HYDIN: variants seen among roughly 807,000 people sequenced by gnomAD.
HYDIN encodes the protein HYDIN axonemal central pair apparatus protein.
Under a neutral mutation model 403.9 loss-of-function variants are expected in HYDIN, and 132 were observed. The observed-to-expected ratio is 0.33, with a 90% CI of 0.28 to 0.38. The LOEUF (loss-of-function observed/expected upper bound fraction) is 0.38, where lower values mean the gene tolerates loss of function less well. Among genes scored for constraint, HYDIN ranks in the 10% least tolerant of loss-of-function variants. The probability of loss-of-function intolerance (pLI) is 1.00; values close to 1 mark genes in which losing one functional copy is unlikely to be tolerated. For synonymous variants in HYDIN, 1,202 were observed against 1,891.7 expected (o/e 0.64, Z 9.46); for missense variants, 2,827 against 5,009.5 (o/e 0.56, Z 13.15).
At chr16:71,105,034 T>C (rs973904896) in intron 10 of HYDIN, among the ~76,000 whole-genome samples, 2 of 145,138 alleles carry the variant, frequency 1.4e-5, no homozygotes, top group Non-Finnish European at 3.0e-5. Flanking sequence ...AAGTCTCATA[T>C]AGCATTCTTA....
chr16:70,922,499 G>A (rs1170473585), intron 45 of HYDIN, among the ~76,000 whole-genome samples: 1 of 152,140 alleles, frequency 6.6e-6, no homozygotes, highest in East Asian at 1.9e-4. Flanking sequence ...ACCAGTCACC[G>A]ATGAGGCCAC....
In HYDIN at chr16:70,806,940, G is replaced by T. The variant is rs1251258667; in HGVS notation, c.*640C>A. ...CCAAGGCGGGGTGTGTATGTGTGGT[G>T]GGGGGAGCTGGGATCTCTATTAGCC... On this transcript the variant is annotated 3_prime_UTR_variant, in exon 86 of 86. Coordinates refer to ENST00000393567, the MANE Select transcript of HYDIN (RefSeq NM_001270974.2). 6.6e-6 allele frequency among the ~76,000 whole-genome samples: 1 copy of T among 152,038 alleles called. No homozygotes were observed. The highest frequency in any genetic ancestry group is 1.5e-5 in the Non-Finnish European group (1 of 68,002).
At chr16:71,149,704 T>G (rs566957276) in intron 7 of HYDIN, among the ~76,000 whole-genome samples, 5 of 152,146 alleles carry the variant, frequency 3.3e-5, no homozygotes, top group African/African-American at 1.2e-4. Context: ...TTTTTTTGTA[T>G]TTTAGTACAG....
intron 83 of HYDIN, among the ~76,000 whole-genome samples, chr16:70,820,014 G>A (rs937302154): frequency 7.0e-6 from 1 of 143,542 alleles, no homozygotes; most frequent in Admixed American, 6.8e-5. Flanking sequence ...TAGAGACGGG[G>A]TTTCACCGTG....
In HYDIN at chr16:70,802,122, T is replaced by C. The variant is rs192548509; in HGVS notation, c.*5458A>G. On this transcript the variant is annotated 3_prime_UTR_variant, in exon 86 of 86. Coordinates refer to ENST00000393567, the MANE Select transcript of HYDIN (RefSeq NM_001270974.2). ...TTCTTTAATGAATGAAAAGTGCATA[T>C]ATAGGCCTTATAACAGTCTTGAAAA... The C allele has an allele frequency of 2.6e-5, 4 of 152,326 alleles. No homozygotes were observed. In the East Asian group the frequency reaches 5.8e-4, roughly 22 times the overall value. The allele number at this position is 152,326 out of a possible 1,614,324, so 9.4% of individuals were successfully genotyped here.
At position 70,809,799 on chromosome 16, in the gene HYDIN, G is replaced by A; in HGVS notation, c.14867C>T (p.Thr4956Ile). 6.2e-7 allele frequency: 1 copy of A among 1,613,678 alleles called. No individual in the cohort carries two copies. Among genetic ancestry groups the A allele is most frequent in the Non-Finnish European group, 8.5e-7 (1 of 1,179,592 alleles). ...GCCACTCACCCTGCAGTAGTATTCT[G>A]TCCTCTGCCGTGTGTAATTGATGAA... ...VKFINYTRQRTEYYCRTDCTD... is the reference protein window; with the variant it reads ...VKFINYTRQRIEYYCRTDCTD... The change falls in exon 85 of 86, where the codon ACA (threonine) becomes ATA (isoleucine). Residue 4956 changes from threonine (T) to isoleucine (I), a missense_variant. Physicochemically the swap from Thr to Ile is moderately conservative, Grantham distance 89 (BLOSUM62 -1). Transcript: ENST00000393567.
Position 70,887,470 on chromosome 16 carries a change from G to A in HYDIN, c.9774+2117C>T, listed in dbSNP as rs2041208984. Among the ~76,000 whole-genome samples the A allele has an allele frequency of 1.3e-5, 2 of 151,038 alleles. 1 individual carries two copies. The highest frequency in any genetic ancestry group is 3.9e-4 in the East Asian group (2 of 5,118). On this transcript the variant is annotated intron_variant, in intron 58 of 85. Transcript: ENST00000393567. ...CAAGGAATGTGGGCTGCCTCCAGAAGCTAAAAAAACAATGAAAAGGATTCT... is the reference window on the plus strand; with the variant it reads ...CAAGGAATGTGGGCTGCCTCCAGAAACTAAAAAAACAATGAAAAGGATTCT...
chr16:71,027,116 G>C, intron 20 of HYDIN: 1 of 1,039,160 alleles, frequency 9.6e-7, no homozygotes, highest in Non-Finnish European at 1.2e-6. Context: ...AGTTGCTGAA[G>C]ATAAATGTGG....
intron 58 of HYDIN, among the ~76,000 whole-genome samples, chr16:70,886,932 T>A (rs1490870722): frequency 6.6e-6 from 1 of 152,138 alleles, no homozygotes; most frequent in Admixed American, 6.5e-5. Context: ...TAGGTTTACA[T>A]CTTTTGCCAA....
intron 1 of HYDIN, among the ~76,000 whole-genome samples, chr16:71,226,392 A>G (rs2041034256): frequency 6.6e-6 from 1 of 152,166 alleles, no homozygotes; most frequent in Admixed American, 6.5e-5. Flanking sequence ...TGAAAAAAAA[A>G]CACCTCAACT....
chr16:71,044,855 T>C lies in HYDIN; in HGVS notation c.2530-12938A>G, dbSNP rs141152554. Reference sequence around the variant, plus strand: ...AACCATTGGATATTGTATATACAAATTGTAGAGGTACTTTGAGGCCTAGAA... The same window carrying C: ...AACCATTGGATATTGTATATACAAACTGTAGAGGTACTTTGAGGCCTAGAA... On this transcript the variant is annotated intron_variant, in intron 18 of 85. Transcript: ENST00000393567. Among the ~76,000 whole-genome samples the C allele has an allele frequency of 2.3e-3, 344 of 150,032 alleles. 4 individuals carry two copies. The highest frequency in any genetic ancestry group is 7.8e-3 in the African/African-American group (319 of 41,010).
At chr16:70,989,069 A>G (rs568267313) in intron 25 of HYDIN, among the ~76,000 whole-genome samples, 1 of 151,896 alleles carries the variant, frequency 6.6e-6, no homozygotes, top group African/African-American at 2.4e-5. Flanking sequence ...GTACATATAT[A>G]TTTTATTTTT....
At chr16:70,979,702 C>T (rs1435778350) in intron 29 of HYDIN, among the ~76,000 whole-genome samples, 1 of 152,114 alleles carries the variant, frequency 6.6e-6, no homozygotes, top group Non-Finnish European at 1.5e-5. Flanking sequence ...AGGTTGAGGG[C>T]GGGCAGATTG....
chr16:70,953,357 A>G (rs2078131122), intron 40 of HYDIN, among the ~76,000 whole-genome samples: 1 of 152,176 alleles, frequency 6.6e-6, no homozygotes, highest in Admixed American at 6.5e-5. Context: ...GGGGCAGACA[A>G]TAAAGGAGGT....
chr16:71,040,916 G>A (rs1389048641), intron 18 of HYDIN, among the ~76,000 whole-genome samples: 5 of 139,674 alleles, frequency 3.6e-5, no homozygotes, highest in East Asian at 2.0e-4. Flanking sequence ...CAAATGTTCC[G>A]ACCCACGAAA....
intron 66 of HYDIN, among the ~76,000 whole-genome samples, chr16:70,867,028 CAAA>C (rs34578135): frequency 3.1e-4 from 29 of 92,942 alleles, no homozygotes; most frequent in Non-Finnish European, 5.1e-4. Context: ...CTGTCCCCCT[CAAA>C]AAAAAAAAAA....
At chr16:70,931,776 A>T (rs2077342529) in intron 45 of HYDIN, among the ~76,000 whole-genome samples, 1 of 152,154 alleles carries the variant, frequency 6.6e-6, no homozygotes, top group Non-Finnish European at 1.5e-5. Context: ...GCACTTTGGG[A>T]GGCCAAGGTG....
intron 52 of HYDIN, among the ~76,000 whole-genome samples, chr16:70,902,892 G>T (rs1798468): frequency 7.3e-6 from 1 of 136,422 alleles, no homozygotes; most frequent in African/African-American, 2.9e-5. Flanking sequence ...ATGTTAGTTA[G>T]ACTGCTTGAT....
intron 18 of HYDIN, among the ~76,000 whole-genome samples, chr16:71,052,202 A>T: frequency 6.6e-6 from 1 of 152,232 alleles, no homozygotes. Flanking sequence ...AATAATACAT[A>T]CAAAAGGACT....
Sources: gnomAD v4.1 joint callset for allele counts (sites outside exome capture counted in the v4.1 genomes callset) on GRCh38, gnomAD v4.1.1 for gene constraint, MANE v1.5 for transcripts, NCBI Gene and HGNC (gene_info 2026-07-23, HGNC 2026-07-21) for gene names.